Variants in ATP9B observed in about 807,000 individuals in gnomAD.
ATP9B encodes probable phospholipid-transporting ATPase IIB.
ATP9B carries 110 observed loss-of-function variants against 146.1 expected under a neutral mutation model. The ratio of observed to expected loss-of-function variants is 0.75; its 90% CI spans 0.65 to 0.88. The LOEUF is 0.88. ATP9B is among the 40% of genes least tolerant of loss of function. The pLI is 0.00. For missense variants in ATP9B, 1,499 were observed against 1,496.4 expected, an observed-to-expected ratio of 1.00 and a Z score of -0.03; for synonymous variants, 604 against 569.7, an observed-to-expected ratio of 1.06 and a Z score of -0.86.
intron 12 of ATP9B, among the ~76,000 whole-genome samples, chr18:79,273,627 G>T (rs1168876049): frequency 1.3e-5 from 2 of 152,132 alleles, no homozygotes; most frequent in Middle Eastern, 3.2e-3. Context: ...ACAAGTTGTG[G>T]GACTGGGTTC....
At chr18:79,258,543 G>A (rs894826461) in intron 12 of ATP9B, among the ~76,000 whole-genome samples, 3 of 152,170 alleles carry the variant, frequency 2.0e-5, no homozygotes, top group Non-Finnish European at 2.9e-5. Context: ...TTACAAATAT[G>A]ACTATGCATA....
intron 2 of ATP9B, among the ~76,000 whole-genome samples, chr18:79,107,819 T>A (rs1056014146): frequency 1.3e-5 from 2 of 152,166 alleles, no homozygotes; most frequent in African/African-American, 2.4e-5. Flanking sequence ...GCTCAGTGAA[T>A]GGACATGATA....
chr18:79,105,986 T>G (rs549765473), intron 2 of ATP9B, among the ~76,000 whole-genome samples: 1 of 152,324 alleles, frequency 6.6e-6, no homozygotes, highest in South Asian at 2.1e-4. Context: ...TATTTAACTA[T>G]GACTAGTTAA....
chr18:79,301,284 G>A (rs1419338625), intron 13 of ATP9B, among the ~76,000 whole-genome samples: 1 of 152,176 alleles, frequency 6.6e-6, no homozygotes, highest in Non-Finnish European at 1.5e-5. Flanking sequence ...CTGAGGTCGG[G>A]AGTTCCAGAC....
chr18:79,173,590 T>C, intron 7 of ATP9B: 2 of 429,838 alleles, frequency 4.7e-6, no homozygotes, highest in South Asian at 3.4e-5. Context: ...CCATTCTCCA[T>C]AAATTGCTTT....
At chr18:79,296,216 G>A (rs370702160) in intron 13 of ATP9B, among the ~76,000 whole-genome samples, 24 of 152,162 alleles carry the variant, frequency 1.6e-4, no homozygotes, top group African/African-American at 5.3e-4. Context: ...GAGTCTCACC[G>A]TGTTGCTCAG....
At position 79,096,583 on chromosome 18, in the gene ATP9B, G is replaced by C. The variant is rs147127443; in HGVS notation, c.227G>C (p.Arg76Thr). 2,391 of 1,614,064 alleles carry C rather than the reference G, an allele frequency of 1.5e-3. 35 individuals are homozygous for C. In the African/African-American group the frequency reaches 0.029, roughly 19 times the overall value. ...ESDYHTLPRARIMQRKRGLEW... is the reference protein window; with the variant it reads ...ESDYHTLPRATIMQRKRGLEW... Reference sequence around the variant, plus strand: ...GATTACCACACCTTACCACGAGCCAGGATAATGCAAAGGAAAAGAGGACTG... The same window carrying C: ...GATTACCACACCTTACCACGAGCCACGATAATGCAAAGGAAAAGAGGACTG... The change falls in exon 2 of 30, where the codon AGG becomes ACG. Residue 76 changes from arginine (R) to threonine (T), a missense_variant. Transcript: ENST00000426216.
Position 79,069,549 on chromosome 18 carries a change from C to CG in ATP9B, c.119+20_119+21insG, listed in dbSNP as rs147068598. The CG allele has an allele frequency of 0.1, 134,174 of 1,299,846 alleles. 8,343 individuals are homozygous for CG. Among genetic ancestry groups the CG allele is most frequent in the African/African-American group, 0.29 (18,103 of 63,054 alleles). The allele number at this position is 1,299,846 out of a possible 1,614,324, so 80.5% of individuals were successfully genotyped here. A position where few individuals can be genotyped will look rare whatever the true frequency, so the allele number is the denominator to read the frequency against. On this transcript the variant is annotated intron_variant, in intron 1 of 29. Transcript: ENST00000426216. ...CAGCAGGTAACCGAGGCGGCACTGG[C>CG]CCCGTTCCCCGCCGACGCTCCCCGG...
At chr18:79,292,455 G>A (rs149227154) in intron 13 of ATP9B, among the ~76,000 whole-genome samples, 8 of 152,128 alleles carry the variant, frequency 5.3e-5, no homozygotes, top group Non-Finnish European at 1.0e-4. Context: ...TATTTACAGT[G>A]CATCAAAAAA....
chr18:79,305,568 G>A (rs371056935), intron 14 of ATP9B, among the ~76,000 whole-genome samples: 276 of 151,956 alleles, frequency 1.8e-3, no homozygotes, highest in Middle Eastern at 3.4e-3. Context: ...CTATTTCTGC[G>A]TTGAAATAGT....
chr18:79,287,158 A>T (rs1242718986), intron 13 of ATP9B, among the ~76,000 whole-genome samples: 15 of 151,862 alleles, frequency 9.9e-5, no homozygotes, highest in African/African-American at 1.7e-4. Context: ...GGATTCCCTC[A>T]TTTTCTATTG....
intron 12 of ATP9B, among the ~76,000 whole-genome samples, chr18:79,275,895 A>G (rs1331189210): frequency 1.3e-5 from 2 of 152,238 alleles, no homozygotes; most frequent in Admixed American, 6.5e-5. Context: ...TATGAACTCT[A>G]TGGACAGATA....
chr18:79,310,598 C>T (rs1462295505), intron 15 of ATP9B, among the ~76,000 whole-genome samples: 3 of 152,034 alleles, frequency 2.0e-5, no homozygotes, highest in Non-Finnish European at 2.9e-5. Context: ...TCTTTTTTTC[C>T]TTGAGAGTTG....
chr18:79,157,029 C>T (rs973238541), intron 7 of ATP9B, among the ~76,000 whole-genome samples: 1 of 152,068 alleles, frequency 6.6e-6, no homozygotes, highest in South Asian at 2.1e-4. Context: ...GTTTGATTTG[C>T]GACTGTTTTG....
intron 11 of ATP9B, among the ~76,000 whole-genome samples, chr18:79,236,714 A>G (rs1056242307): frequency 6.6e-6 from 1 of 151,782 alleles, no homozygotes; most frequent in Non-Finnish European, 1.5e-5. Flanking sequence ...CGGTCTGTGC[A>G]GGAGTCAGTG....
chr18:79,172,517 C>G (rs867818173), intron 7 of ATP9B, among the ~76,000 whole-genome samples: 1 of 120,090 alleles, frequency 8.3e-6, no homozygotes, highest in Non-Finnish European at 1.7e-5. Context: ...GCCACCGTGC[C>G]CCGCCCTTGC....
At chr18:79,363,492 T>C (rs550940867) in intron 26 of ATP9B, 19 of 152,348 alleles carry the variant, frequency 1.2e-4, no homozygotes, top group African/African-American at 2.6e-4. Context: ...GTTCATGGAT[T>C]GAGAGGCATA....
intron 18 of ATP9B, 138 bp from the exon 19 acceptor site, chr18:79,337,138 TGTG>T: frequency 1.7e-6 from 2 of 1,143,818 alleles, no homozygotes; most frequent in Non-Finnish European, 2.5e-6. Context: ...AGTCCAGCTC[TGTG>T]GAGTACACAC....
At chr18:79,249,738 G>A (rs530395499) in intron 11 of ATP9B, among the ~76,000 whole-genome samples, 170 of 152,250 alleles carry the variant, frequency 1.1e-3, no homozygotes, top group African/African-American at 4.1e-3. Context: ...TTGAAGAAAA[G>A]CATGTTTCAG....
Sources: gnomAD v4.1 joint callset for allele counts (sites outside exome capture counted in the v4.1 genomes callset) on GRCh38, gnomAD v4.1.1 for gene constraint, MANE v1.5 for transcripts, NCBI Gene and HGNC (gene_info 2026-07-23, HGNC 2026-07-21) for gene names.